The following RAB11FIP3 variants were observed in gnomAD, a reference collection of about 807,000 sequenced individuals.
The protein encoded by RAB11FIP3 is rab11 family-interacting protein 3.
RAB11FIP3 carries 17 observed loss-of-function variants against 77.8 expected under a neutral mutation model. That is an observed-to-expected ratio of 0.22 (90% CI 0.15 to 0.33). The LOEUF is 0.33. RAB11FIP3 is among the 10% of genes least tolerant of loss of function. RAB11FIP3 has a pLI of 1.00. For synonymous variants in RAB11FIP3, 437 were observed against 448.2 expected (o/e 0.98, Z 0.31); for missense variants, 1,005 against 1,011.2 (o/e 0.99, Z 0.08).
rs1374181554 is a variant in RAB11FIP3 at position 437,588 on chromosome 16, A to C, written c.714+10868A>C. 3.3e-5 allele frequency among the ~76,000 whole-genome samples: 5 copies of C among 151,328 alleles called. No individual in the cohort carries two copies. The East Asian group carries it at 9.8e-4, about 30-fold the overall frequency. On this transcript the variant is annotated intron_variant, in intron 1 of 13. Transcript: ENST00000262305. ...TCCATCTCAAAAAAAAAAAAAAAAA[A>C]AAAAGTCAGATGGATATTGAATCTC...
At chr16:454,118 C>G (rs749252173) in intron 1 of RAB11FIP3, among the ~76,000 whole-genome samples, 116 of 152,246 alleles carry the variant, frequency 7.6e-4, no homozygotes, top group Admixed American at 1.5e-3. Context: ...TTGAAGCATC[C>G]AGTAGGCGGG....
chr16:439,442 G>A (rs1187134238), intron 1 of RAB11FIP3: 2 of 152,190 alleles, frequency 1.3e-5, no homozygotes, highest in Non-Finnish European at 2.9e-5. Context: ...ACCATCTTGT[G>A]ATATTCTTGT....
intron 4 of RAB11FIP3, among the ~76,000 whole-genome samples, chr16:488,260 G>C (rs1371185372): frequency 6.6e-6 from 1 of 152,036 alleles, no homozygotes; most frequent in Non-Finnish European, 1.5e-5. Context: ...GGCGCCTGTA[G>C]TCCCAGCTAC....
At chr16:519,534 G>A (rs1013290741) in intron 10 of RAB11FIP3, among the ~76,000 whole-genome samples, 2 of 152,340 alleles carry the variant, frequency 1.3e-5, no homozygotes, top group African/African-American at 2.4e-5. Flanking sequence ...CGTGAGAAAC[G>A]GCCCTCGTGG....
intron 4 of RAB11FIP3, among the ~76,000 whole-genome samples, chr16:486,351 G>A (rs564039240): frequency 6.6e-6 from 1 of 152,254 alleles, no homozygotes; most frequent in South Asian, 2.1e-4. Context: ...AACTAGCTGG[G>A]CCTGGTGGCA....
intron 5 of RAB11FIP3, chr16:491,072 G>A (rs1442976112): frequency 1.5e-5 from 19 of 1,256,456 alleles, no homozygotes; most frequent in East Asian, 1.2e-4. Flanking sequence ...CCCCTCGTGC[G>A]GAGTCACAGA....
chr16:517,395 T>C (rs7199562), intron 9 of RAB11FIP3, among the ~76,000 whole-genome samples: 40,558 of 151,760 alleles, frequency 0.27, 9,726 homozygotes, highest in African/African-American at 0.64. Context: ...CAGCAAGACC[T>C]TGTCTCTGCA....
chr16:461,336 C>T lies in RAB11FIP3; in HGVS notation c.715-68C>T, dbSNP rs553399701. 4.5e-5 allele frequency: 57 copies of T among 1,267,264 alleles called. 1 individual carries two copies. In the South Asian group the frequency reaches 5.4e-4, roughly 12 times the overall value. The allele number at this position is 1,267,264 out of a possible 1,614,324, so 78.5% of individuals were successfully genotyped here. On this transcript the variant is annotated intron_variant, in intron 1 of 13. Transcript: ENST00000262305. This position sits in a 1 kb window ranked among gnomAD's most constrained non-coding sequence, Gnocchi z 4.5. The stretch of plus-strand genomic sequence containing the variant: ...GCCACACACCAGATCTCTCCCAGTC[C>T]GAGGTCCAGGGTTGGGGACCCCTGC...
chr16:492,452 C>CCGTCCAGAG (rs2030548996), intron 5 of RAB11FIP3, among the ~76,000 whole-genome samples: 6 of 129,386 alleles, frequency 4.6e-5, no homozygotes, highest in African/African-American at 1.6e-4. Context: ...CCGCCCAGGG[C>CCGTCCAGAG]CCTTCCCGGG....
At chr16:517,707 A>T (rs1207086397) in intron 9 of RAB11FIP3, among the ~76,000 whole-genome samples, 1 of 152,222 alleles carries the variant, frequency 6.6e-6, no homozygotes, top group Non-Finnish European at 1.5e-5. Flanking sequence ...CACCACAGTG[A>T]AGAACAGTGA....
In RAB11FIP3 at chr16:461,967, C is replaced by T. The variant is rs7187121; in HGVS notation, c.808+470C>T. Among the ~76,000 whole-genome samples the T allele has an allele frequency of 0.05, 7,637 of 152,280 alleles. 623 individuals are homozygous for T. Among genetic ancestry groups the T allele is most frequent in the African/African-American group, 0.17 (7,243 of 41,532 alleles). ...GCACACCGCCCTGAACACTGCAGCC[C>T]GTACCACCATCGTTCCCTAGAGCTC... On this transcript the variant is annotated intron_variant, in intron 2 of 13. Coordinates refer to ENST00000262305, the MANE Select transcript of RAB11FIP3 (RefSeq NM_014700.4). The surrounding 1 kb of genome is among the most constrained non-coding windows in gnomAD (Gnocchi z 4.5).
At chr16:463,870 C>T (rs564269816) in intron 2 of RAB11FIP3, among the ~76,000 whole-genome samples, 116 of 152,174 alleles carry the variant, frequency 7.6e-4, no homozygotes, top group Non-Finnish European at 1.1e-3. Context: ...GCAAGGCCAG[C>T]GGGCTGCGGC....
At chr16:446,702 T>A (rs2055322451) in intron 1 of RAB11FIP3, among the ~76,000 whole-genome samples, 1 of 152,044 alleles carries the variant, frequency 6.6e-6, no homozygotes, top group African/African-American at 2.4e-5. Flanking sequence ...CAAACTTTTT[T>A]GTTTTTTTTT....
intron 9 of RAB11FIP3, 42 bp from the exon 10 acceptor site, chr16:518,901 G>A (rs1268371356): frequency 4.4e-6 from 7 of 1,605,696 alleles, no homozygotes; most frequent in Admixed American, 1.7e-5. Flanking sequence ...CTGTAGAGGC[G>A]AGCTTCCTGG....
intron 3 of RAB11FIP3, among the ~76,000 whole-genome samples, chr16:473,966 C>G (rs895706204): frequency 3.9e-5 from 6 of 152,186 alleles, no homozygotes; most frequent in African/African-American, 9.7e-5. Context: ...TCAGATGCGC[C>G]TCTTTCCCTT....
At chr16:512,334 G>A (rs1318041986) in intron 9 of RAB11FIP3, among the ~76,000 whole-genome samples, 8 of 151,890 alleles carry the variant, frequency 5.3e-5, no homozygotes, top group Non-Finnish European at 7.4e-5. Flanking sequence ...TCTGCCTCCC[G>A]GGTTCACGCC....
intron 5 of RAB11FIP3, among the ~76,000 whole-genome samples, chr16:496,042 G>A (rs1227900793): frequency 1.3e-5 from 2 of 152,158 alleles, no homozygotes; most frequent in African/African-American, 2.4e-5. Context: ...GAGCCACCAC[G>A]CCCGGCCCCT....
At position 510,773 on chromosome 16, in the gene RAB11FIP3, G is replaced by C. The variant is rs376460823; in HGVS notation, c.1613G>C (p.Ser538Thr). The change falls in exon 9 of 14, where the codon AGC becomes ACC. Residue 538 changes from serine (S) to threonine (T), a missense_variant. Around this residue, in one of 4 missense-constraint regions of RAB11FIP3, gnomAD observed 433 missense variants for 436.1 expected, o/e 0.99. Transcript: ENST00000262305. ...ELLCKMEREK[S>T]IEIENLQTRL... ...CTGTGCAAGATGGAGAGGGAGAAGA[G>C]CATTGAGATCGAGAACCTGCAGACC... 1 of 1,613,292 alleles carries C rather than the reference G, an allele frequency of 6.2e-7. No homozygotes were observed. The highest frequency in any genetic ancestry group is 1.3e-5 in the African/African-American group (1 of 74,912).
In RAB11FIP3 at chr16:426,387, G is replaced by A. The variant is rs1415018574; in HGVS notation, c.381G>A (p.Glu127=). The A allele has an allele frequency of 2.5e-6, 4 of 1,577,464 alleles. No homozygotes were observed. The highest frequency in any genetic ancestry group is 2.7e-5 in the African/African-American group (2 of 73,656). The part of the protein sequence containing the change: ...PELDPLFSWT[E]EPEECGPASC... ...TCGACCCGTTGTTCTCCTGGACTGAGGAGCCCGAGGAGTGTGGCCCCGCGA... is the reference window on the plus strand; with the variant it reads ...TCGACCCGTTGTTCTCCTGGACTGAAGAGCCCGAGGAGTGTGGCCCCGCGA... Residue 127 remains glutamate (E), a synonymous_variant, in exon 1 of 14, where the codon GAG becomes GAA. Coordinates refer to ENST00000262305, the MANE Select transcript of RAB11FIP3 (RefSeq NM_014700.4). This position sits in a 1 kb window ranked among gnomAD's most constrained non-coding sequence, Gnocchi z 5.0.
Sources: gnomAD v4.1 joint callset for allele counts (sites outside exome capture counted in the v4.1 genomes callset) on GRCh38, gnomAD v4.1.1 for gene constraint, gnomAD v4.1.1 regional missense constraint, Gnocchi (gnomAD v3.1) non-coding constraint, MANE v1.5 for transcripts, NCBI Gene and HGNC (gene_info 2026-07-23, HGNC 2026-07-21) for gene names.